Variants in NAA15 observed in about 807,000 individuals in gnomAD.
The protein encoded by NAA15 is N-terminal acetyltransferase.
A neutral mutation model predicts 114.0 loss-of-function variants in NAA15; 34 were observed. That is an observed-to-expected ratio of 0.30 (90% confidence interval 0.23 to 0.40). The LOEUF (loss-of-function observed/expected upper bound fraction) is 0.40. NAA15 is among the 10% of genes least tolerant of loss of function. NAA15 has a pLI of 1.00. For missense variants in NAA15, 658 were observed against 1,004.5 expected (o/e 0.66, Z 4.66); for synonymous variants, 340 against 338.0 (o/e 1.01, Z -0.06).
intron 18 of NAA15, among the ~76,000 whole-genome samples, chr4:139,385,867 A>AAAG (rs1376517335): frequency 6.6e-6 from 1 of 152,218 alleles, no homozygotes; most frequent in African/African-American, 2.4e-5. Context: ...AGTCTCCTTT[A>AAAG]CTGTGCATGT....
At chr4:139,318,494 T>C (rs1024057349) in intron 1 of NAA15, 1 of 151,860 alleles carries the variant, frequency 6.6e-6, no homozygotes, top group African/African-American at 2.4e-5. Context: ...TTCTTAAATA[T>C]AAAAAAAATA....
chr4:139,340,826 T>C lies in NAA15; in HGVS notation c.245-86T>C, dbSNP rs867371464. Reference sequence around the variant, plus strand: ...CTTTTTAAGCTTGTAGTTTTATAAATGGCTGTGGTTCTCCAAGTTTTTTGG... The same window carrying C: ...CTTTTTAAGCTTGTAGTTTTATAAACGGCTGTGGTTCTCCAAGTTTTTTGG... On this transcript the variant is annotated intron_variant, in intron 3 of 19. Coordinates refer to ENST00000296543, the MANE Select transcript of NAA15 (RefSeq NM_057175.5). The C allele has an allele frequency of 7.9e-6, 8 of 1,017,862 alleles. No homozygotes were observed. In the Middle Eastern group the frequency reaches 1.5e-3, roughly 197 times the overall value. The allele number at this position is 1,017,862 out of a possible 1,614,324, so 63.1% of individuals were successfully genotyped here.
intron 14 of NAA15, among the ~76,000 whole-genome samples, chr4:139,362,793 C>T (rs1349632722): frequency 6.6e-6 from 1 of 151,374 alleles, no homozygotes; most frequent in Non-Finnish European, 1.5e-5. Flanking sequence ...TGGGACAGAA[C>T]CTGAGAATGA....
At chr4:139,328,175 G>T (rs574940924) in intron 1 of NAA15, among the ~76,000 whole-genome samples, 1 of 151,750 alleles carries the variant, frequency 6.6e-6, no homozygotes, top group African/African-American at 2.4e-5. Context: ...ATCTGGGAAA[G>T]GTTCCATTTT....
At chr4:139,348,616 A>G (rs531290243) in intron 6 of NAA15, among the ~76,000 whole-genome samples, 1 of 152,328 alleles carries the variant, frequency 6.6e-6, no homozygotes, top group South Asian at 2.1e-4. Context: ...TTAAGGATAG[A>G]GAAAAGGAAT....
At chr4:139,308,291 A>G (rs1746095048) in intron 1 of NAA15, among the ~76,000 whole-genome samples, 1 of 152,086 alleles carries the variant, frequency 6.6e-6, no homozygotes, top group African/African-American at 2.4e-5. Flanking sequence ...ATTTTATGTG[A>G]TTTATTTTCT....
At position 139,388,332 on chromosome 4, in the gene NAA15, A is replaced by C. The variant is rs191282440; in HGVS notation, c.*248A>C. On this transcript the variant is annotated 3_prime_UTR_variant, in exon 20 of 20. Coordinates refer to ENST00000296543, the MANE Select transcript of NAA15 (RefSeq NM_057175.5). ...ATTGAGTGGTTAAAAAAGATACCTT[A>C]TCCTATTCCTCCCCACCCACCCATG... 1 of 296,330 alleles carries C rather than the reference A, an allele frequency of 3.4e-6. No homozygotes were observed. The highest frequency in any genetic ancestry group is 6.9e-5 in the South Asian group (1 of 14,434). 18.4% of individuals were successfully genotyped at this position (296,330 alleles called of 1,614,324 possible).
At chr4:139,352,707 G>A (rs1380783313) in intron 9 of NAA15, among the ~76,000 whole-genome samples, 5 of 117,294 alleles carry the variant, frequency 4.3e-5, no homozygotes, top group African/African-American at 1.4e-4. Flanking sequence ...CACTCTTGTC[G>A]CCCAGGCTGG....
chr4:139,311,649 T>C (rs1004282981), intron 1 of NAA15, among the ~76,000 whole-genome samples: 2 of 151,920 alleles, frequency 1.3e-5, no homozygotes, highest in East Asian at 1.9e-4. Context: ...ATGAGTTTGT[T>C]GTGAGGAGCC....
At chr4:139,312,608 G>A (rs1579083101) in intron 1 of NAA15, among the ~76,000 whole-genome samples, 1 of 151,918 alleles carries the variant, frequency 6.6e-6, no homozygotes. Flanking sequence ...GCTTTGGGAG[G>A]CCAATGTGGA....
intron 1 of NAA15, among the ~76,000 whole-genome samples, chr4:139,315,053 T>C (rs560658704): frequency 0.016 from 1,845 of 117,098 alleles, 154 homozygotes; most frequent in Admixed American, 0.025. Flanking sequence ...TAGGTTAGGT[T>C]AGTTTAGTTT....
At chr4:139,373,456 T>A (rs1245536892) in intron 15 of NAA15, among the ~76,000 whole-genome samples, 1 of 152,106 alleles carries the variant, frequency 6.6e-6, no homozygotes, top group Non-Finnish European at 1.5e-5. Context: ...CATGACTATA[T>A]AAAATAAAAT....
intron 1 of NAA15, 174 bp downstream of exon 1, chr4:139,302,005 C>T: frequency 1.6e-6 from 1 of 626,004 alleles, no homozygotes; most frequent in Non-Finnish European, 2.6e-6. Context: ...CTACTATGGC[C>T]CGCGCGCCAG....
intron 6 of NAA15, 145 bp downstream of exon 6, chr4:139,344,484 T>C: frequency 1.7e-6 from 1 of 597,190 alleles, no homozygotes; most frequent in Non-Finnish European, 2.8e-6. Context: ...TTTAATAGTT[T>C]ATGATGTGGG....
At chr4:139,318,875 C>A (rs944045159) in intron 1 of NAA15, among the ~76,000 whole-genome samples, 3 of 151,282 alleles carry the variant, frequency 2.0e-5, no homozygotes, top group Admixed American at 2.0e-4. Flanking sequence ...TTAAAACTTT[C>A]ATATAAGTAA....
Position 139,340,905 on chromosome 4 carries a change from T to C in NAA15, c.245-7T>C. ...TTGTAGGTTGTACCCTTAACTAAAT[T>C]CTTTAGGTTGGCACGTTTATGGCCT... is the stretch of plus-strand genomic sequence containing the variant. On this transcript the variant is annotated splice_region_variant and splice_polypyrimidine_tract_variant and intron_variant, in intron 3 of 19. Coordinates refer to ENST00000296543, the MANE Select transcript of NAA15 (RefSeq NM_057175.5). 1 of 1,531,674 alleles carries C rather than the reference T, an allele frequency of 6.5e-7. No homozygotes were observed. The highest frequency in any genetic ancestry group is 1.3e-5 in the South Asian group (1 of 75,070). 94.9% of individuals were successfully genotyped at this position (1,531,674 alleles called of 1,614,324 possible).
chr4:139,339,464 TCCAGCCTAGGTGATAGAGCGAGA>T (rs1747314336), intron 3 of NAA15, among the ~76,000 whole-genome samples: 1 of 152,152 alleles, frequency 6.6e-6, no homozygotes, highest in African/African-American at 2.4e-5. Context: ...GCCACTGCAC[TCCAGCCTAGGTGATAGAGCGAGA>T]CCATCTCTTT....
Position 139,386,125 on chromosome 4 carries a change from T to C in NAA15, c.2303-8T>C, listed in dbSNP as rs368782706. 6.6e-7 allele frequency: 1 copy of C among 1,518,552 alleles called. No individual in the cohort carries two copies. Among genetic ancestry groups the C allele is most frequent in the Non-Finnish European group, 9.0e-7 (1 of 1,113,366 alleles). The allele number at this position is 1,518,552 out of a possible 1,614,324, so 94.1% of individuals were successfully genotyped here. A position where few individuals can be genotyped will look rare whatever the true frequency, so the allele number is the denominator to read the frequency against. ...TTGAAATAAATTTCCTATTTCCCTC[T>C]CATTTAGCTGCCAAAATGGTATATT... On this transcript the variant is annotated splice_region_variant and splice_polypyrimidine_tract_variant and intron_variant, in intron 18 of 19. Coordinates refer to ENST00000296543, the MANE Select transcript of NAA15 (RefSeq NM_057175.5).
At chr4:139,365,463 T>C (rs1474466919) in intron 14 of NAA15, among the ~76,000 whole-genome samples, 1 of 152,332 alleles carries the variant, frequency 6.6e-6, no homozygotes, top group African/African-American at 2.4e-5. Context: ...TATTTTCCTC[T>C]GAAACCTCAG....
Sources: gnomAD v4.1 joint callset for allele counts (sites outside exome capture counted in the v4.1 genomes callset) on GRCh38, gnomAD v4.1.1 for gene constraint, MANE v1.5 for transcripts, NCBI Gene and HGNC (gene_info 2026-07-23, HGNC 2026-07-21) for gene names.